The following ITPK1 variants were observed in gnomAD, a reference collection of about 807,000 sequenced individuals.
ITPK1 encodes the protein inositol-tetrakisphosphate 1-kinase.
Under a neutral mutation model 45.3 loss-of-function variants are expected in ITPK1, and 21 were observed. The ratio of observed to expected loss-of-function variants is 0.46; its 90% CI spans 0.33 to 0.67. The LOEUF (loss-of-function observed/expected upper bound fraction) is 0.67. Among genes scored for constraint, ITPK1 ranks in the 30% least tolerant of loss-of-function variants. ITPK1 has a pLI of 0.02. For synonymous variants in ITPK1, 258 were observed against 253.6 expected, an observed-to-expected ratio of 1.02 and a Z score of -0.16; for missense variants, 474 against 573.5, an observed-to-expected ratio of 0.83 and a Z score of 1.77.
chr14:93,094,635 G>A (rs117560897), intron 2 of ITPK1, among the ~76,000 whole-genome samples: 1 of 152,322 alleles, frequency 6.6e-6, no homozygotes, highest in East Asian at 1.9e-4. Context: ...AAGCTTCCCA[G>A]TGAGGCAGCC....
intron 2 of ITPK1, among the ~76,000 whole-genome samples, chr14:93,081,289 G>A (rs1165539464): frequency 2.0e-5 from 3 of 151,854 alleles, no homozygotes; most frequent in Non-Finnish European, 2.9e-5. Context: ...AGCCAAGATC[G>A]TGCCACTGCA....
In ITPK1 at chr14:92,993,861, G is replaced by T; in HGVS notation, c.364+19C>A. On this transcript the variant is annotated intron_variant, in intron 5 of 10. Coordinates refer to ENST00000267615, the MANE Select transcript of ITPK1 (RefSeq NM_014216.6). ...AAGGTGGCTGCCTGCCACGGATGTG[G>T]TGCCACACGTGTCCCTACCTTCCAT... 2.0e-6 allele frequency: 3 copies of T among 1,500,710 alleles called. No homozygotes were observed. Among genetic ancestry groups the T allele is most frequent in the East Asian group, 4.5e-5 (2 of 44,346 alleles). The allele number at this position is 1,500,710 out of a possible 1,614,324, so 93.0% of individuals were successfully genotyped here.
chr14:93,049,339 G>A (rs934861417), intron 3 of ITPK1, among the ~76,000 whole-genome samples: 2 of 152,144 alleles, frequency 1.3e-5, no homozygotes, highest in Non-Finnish European at 2.9e-5. Flanking sequence ...AAACACAGTC[G>A]GCTCAGAGGA....
chr14:93,077,469 C>A (rs1000684964), intron 2 of ITPK1, among the ~76,000 whole-genome samples: 27 of 152,328 alleles, frequency 1.8e-4, no homozygotes, highest in Admixed American at 1.6e-3. Context: ...AGGCACCCAC[C>A]ACCACGCCCG....
chr14:93,066,306 A>ATGTGTGTGTGTGTATG, intron 3 of ITPK1: 1 of 436,084 alleles, frequency 2.3e-6, no homozygotes, highest in Non-Finnish European at 4.6e-6. Flanking sequence ...GTGCGCGTGC[A>ATGTGTGTGTGTGTATG]TGTGTGTGTG....
chr14:93,040,646 C>T (rs1476291817), intron 3 of ITPK1, among the ~76,000 whole-genome samples: 2 of 152,222 alleles, frequency 1.3e-5, no homozygotes, highest in Non-Finnish European at 2.9e-5. Flanking sequence ...GAGCTCCCAG[C>T]CTTCTCTGAA....
intron 1 of ITPK1, 32 bp from the exon 2 acceptor site, chr14:93,115,337 G>C (rs1184677559): frequency 3.6e-6 from 1 of 275,602 alleles, no homozygotes; most frequent in Non-Finnish European, 6.7e-6. Context: ...GGCGGGGCGC[G>C]GCGGGCGGCC....
At chr14:93,050,975 C>A (rs1362951709) in intron 3 of ITPK1, among the ~76,000 whole-genome samples, 1 of 152,210 alleles carries the variant, frequency 6.6e-6, no homozygotes, top group African/African-American at 2.4e-5. Flanking sequence ...TCCCACTAAA[C>A]TGGAAGCTCC....
intron 2 of ITPK1, among the ~76,000 whole-genome samples, chr14:93,079,089 C>T (rs1263091381): frequency 6.6e-6 from 1 of 152,182 alleles, no homozygotes; most frequent in Admixed American, 6.5e-5. Context: ...TCCAATCAGT[C>T]CACATTTTAC....
In ITPK1 at chr14:93,039,803, G is replaced by A. The variant is rs191083562; in HGVS notation, c.121-23002C>T. On this transcript the variant is annotated intron_variant, in intron 3 of 10. Transcript: ENST00000267615. ...AGGAGCTAAACTGGGAGTTCTCCCT[G>A]CCAAAGTCTCCCTTGCTGTCAGTTT... Among the ~76,000 whole-genome samples, 462 of 152,362 alleles carry A rather than the reference G, an allele frequency of 3.0e-3. 2 individuals carry two copies. Among genetic ancestry groups the A allele is most frequent in the Non-Finnish European group, 2.2e-3 (151 of 68,030 alleles).
At chr14:92,995,745 A>G (rs564832987) in intron 4 of ITPK1, among the ~76,000 whole-genome samples, 1 of 152,234 alleles carries the variant, frequency 6.6e-6, no homozygotes, top group Non-Finnish European at 1.5e-5. Context: ...CACTGCCTGT[A>G]GACAGTGAAC....
At chr14:93,004,614 A>G (rs1300704825) in intron 4 of ITPK1, among the ~76,000 whole-genome samples, 1 of 151,584 alleles carries the variant, frequency 6.6e-6, no homozygotes, top group Non-Finnish European at 1.5e-5. Context: ...GTGAGAGCAT[A>G]TGAGTGTGTG....
At chr14:93,107,827 C>T (rs1892586657) in intron 2 of ITPK1, among the ~76,000 whole-genome samples, 2 of 152,204 alleles carry the variant, frequency 1.3e-5, no homozygotes, top group Admixed American at 6.5e-5. Flanking sequence ...GCCCATGAGG[C>T]TCTGCTGGGG....
intron 8 of ITPK1, among the ~76,000 whole-genome samples, chr14:92,953,888 T>C (rs1888076409): frequency 1.3e-5 from 2 of 152,158 alleles, no homozygotes; most frequent in African/African-American, 4.8e-5. Flanking sequence ...TCCTGGCTAA[T>C]TCTGTTTTTC....
At chr14:92,946,833 A>G (rs1205498373) in intron 9 of ITPK1, among the ~76,000 whole-genome samples, 16 of 152,214 alleles carry the variant, frequency 1.1e-4, no homozygotes, top group Admixed American at 1.0e-3. Flanking sequence ...CAGAATTTGG[A>G]CCCATATTTT....
intron 4 of ITPK1, among the ~76,000 whole-genome samples, chr14:92,998,051 T>C (rs1887149815): frequency 6.6e-6 from 1 of 152,130 alleles, no homozygotes; most frequent in Admixed American, 6.5e-5. Flanking sequence ...TAATGGAAAA[T>C]GCTGTCAGAG....
chr14:92,962,667 AG>A, intron 6 of ITPK1, 83 bp downstream of exon 6: 1 of 1,033,666 alleles, frequency 9.7e-7, no homozygotes, highest in Non-Finnish European at 1.5e-6. Context: ...TTAAATCCAG[AG>A]GGCACTATAA....
chr14:93,099,684 G>A (rs1049748816), intron 2 of ITPK1, among the ~76,000 whole-genome samples: 3 of 152,152 alleles, frequency 2.0e-5, no homozygotes, highest in African/African-American at 7.2e-5. Flanking sequence ...CCGCTTCGGG[G>A]CTGCCCATGC....
At chr14:93,102,669 T>C (rs933431439) in intron 2 of ITPK1, among the ~76,000 whole-genome samples, 1 of 150,464 alleles carries the variant, frequency 6.6e-6, no homozygotes, top group Non-Finnish European at 1.5e-5. Context: ...AAAAAGAAAA[T>C]AGGCTGGCTA....
Sources: gnomAD v4.1 joint callset for allele counts (sites outside exome capture counted in the v4.1 genomes callset) on GRCh38, gnomAD v4.1.1 for gene constraint, MANE v1.5 for transcripts, NCBI Gene and HGNC (gene_info 2026-07-23, HGNC 2026-07-21) for gene names.